Variants in TRPC6 observed in about 807,000 individuals in gnomAD.
The protein encoded by TRPC6 is transient receptor potential cation channel subfamily C member 6.
Under a neutral mutation model 90.7 loss-of-function variants are expected in TRPC6, and 55 were observed. The ratio of observed to expected loss-of-function variants is 0.61; its 90% CI spans 0.49 to 0.76. TRPC6 has a LOEUF of 0.76. TRPC6 is among the 30% of genes least tolerant of loss of function. TRPC6 has a pLI of 0.00. For synonymous variants in TRPC6, 393 were observed against 393.0 expected, an observed-to-expected ratio of 1.00 and a Z score of 0.00; for missense variants, 989 against 1,122.7, an observed-to-expected ratio of 0.88 and a Z score of 1.70.
intron 1 of TRPC6, among the ~76,000 whole-genome samples, chr11:101,546,434 A>G (rs1272968926): frequency 6.6e-6 from 1 of 152,176 alleles, no homozygotes; most frequent in Non-Finnish European, 1.5e-5. Context: ...AGATTTCAAG[A>G]TAACATGGAG....
Position 101,491,720 on chromosome 11 carries a change from A to C in TRPC6, c.964T>G (p.Ser322Ala). Reference sequence around the variant, plus strand: ...ACAACAAAGTCTTTGCACTGCATTGACAGTTTTTTGTAGTCATTCTAGGAA... The same window carrying C: ...ACAACAAAGTCTTTGCACTGCATTGCCAGTTTTTTGTAGTCATTCTAGGAA... ...KEFKNDYKKL[S>A]MQCKDFVVGL... The change falls in exon 3 of 13, where the codon TCA becomes GCA. Residue 322 changes from serine (S) to alanine (A), a missense_variant. Ser to Ala is a moderately conservative substitution (Grantham distance 99, BLOSUM62 1). Transcript: ENST00000344327. 1 of 1,613,800 alleles carries C rather than the reference A, an allele frequency of 6.2e-7. No homozygotes were observed. The highest frequency in any genetic ancestry group is 8.5e-7 in the Non-Finnish European group (1 of 1,179,912).
chr11:101,505,702 G>C (rs1306162780), intron 1 of TRPC6, among the ~76,000 whole-genome samples: 1 of 152,128 alleles, frequency 6.6e-6, no homozygotes, highest in Non-Finnish European at 1.5e-5. Context: ...CTTCAACGTA[G>C]TCCTTCAATC....
intron 1 of TRPC6, among the ~76,000 whole-genome samples, chr11:101,542,161 T>C (rs1056749030): frequency 6.6e-6 from 1 of 152,206 alleles, no homozygotes; most frequent in Non-Finnish European, 1.5e-5. Flanking sequence ...TCTATAGTGT[T>C]TTGACTATTG....
At chr11:101,480,332 C>T (rs7115010) in intron 5 of TRPC6, among the ~76,000 whole-genome samples, 6 of 151,952 alleles carry the variant, frequency 3.9e-5, no homozygotes, top group African/African-American at 7.3e-5. Context: ...CAGTTCCAGG[C>T]GTGATATTCC....
chr11:101,479,435 T>C (rs1486957323), intron 5 of TRPC6, among the ~76,000 whole-genome samples: 1 of 152,206 alleles, frequency 6.6e-6, no homozygotes. Context: ...TGTTCTGCCT[T>C]GTCAACATCT....
intron 4 of TRPC6, among the ~76,000 whole-genome samples, chr11:101,488,163 G>C (rs949008222): frequency 2.0e-5 from 3 of 152,142 alleles, no homozygotes; most frequent in African/African-American, 7.2e-5. Context: ...AACAGATCCA[G>C]AAATGTGGCT....
At chr11:101,469,327 G>GTTCTC in intron 10 of TRPC6, 100 bp downstream of exon 10, 1 of 693,218 alleles carries the variant, frequency 1.4e-6, no homozygotes, top group Non-Finnish European at 2.7e-6. Flanking sequence ...TAATGGGTCT[G>GTTCTC]TTCTCTACTT....
chr11:101,503,903 A>G, intron 2 of TRPC6, 121 bp downstream of exon 2: 1 of 1,251,536 alleles, frequency 8.0e-7, no homozygotes, highest in Non-Finnish European at 1.2e-6. Flanking sequence ...TTGTTGAATA[A>G]ACTTATAAAA....
intron 1 of TRPC6, among the ~76,000 whole-genome samples, chr11:101,526,253 G>C (rs1169530832): frequency 6.6e-6 from 1 of 152,126 alleles, no homozygotes; most frequent in East Asian, 1.9e-4. Flanking sequence ...TCCTCCAGTA[G>C]AGAGAAGACC....
intron 1 of TRPC6, among the ~76,000 whole-genome samples, chr11:101,523,311 T>A (rs1431195679): frequency 2.6e-5 from 4 of 152,168 alleles, no homozygotes; most frequent in Non-Finnish European, 5.9e-5. Flanking sequence ...GCATTAGGAT[T>A]TAACAGAGTT....
At chr11:101,568,534 G>A (rs540640154) in intron 1 of TRPC6, among the ~76,000 whole-genome samples, 7 of 152,262 alleles carry the variant, frequency 4.6e-5, no homozygotes, top group African/African-American at 1.7e-4. Flanking sequence ...TATTCCTCAA[G>A]AATAGCAACA....
At chr11:101,505,912 C>T (rs1481337353) in intron 1 of TRPC6, among the ~76,000 whole-genome samples, 2 of 150,650 alleles carry the variant, frequency 1.3e-5, no homozygotes, top group East Asian at 2.0e-4. Flanking sequence ...ACTCAGGAGG[C>T]TGAGGTAGAG....
chr11:101,578,474 T>C (rs969599226), intron 1 of TRPC6, among the ~76,000 whole-genome samples: 3 of 152,226 alleles, frequency 2.0e-5, no homozygotes, highest in South Asian at 4.1e-4. Context: ...TTGTGGTCTC[T>C]AACATTACAT....
chr11:101,453,388 C>T (rs997635380), intron 12 of TRPC6, among the ~76,000 whole-genome samples: 5 of 152,146 alleles, frequency 3.3e-5, no homozygotes, highest in Non-Finnish European at 7.4e-5. Context: ...CCTTCCTTGC[C>T]TTTCCCACCC....
intron 1 of TRPC6, among the ~76,000 whole-genome samples, chr11:101,525,967 C>T (rs1011460987): frequency 2.0e-5 from 3 of 152,130 alleles, no homozygotes; most frequent in African/African-American, 7.2e-5. Context: ...GGGGCAGCTC[C>T]TTTTCTTTGG....
intron 10 of TRPC6, among the ~76,000 whole-genome samples, chr11:101,458,154 T>G (rs1415766389): frequency 6.6e-6 from 1 of 152,200 alleles, no homozygotes; most frequent in Non-Finnish European, 1.5e-5. Context: ...ATTCAAACTT[T>G]GAAGTACAGT....
chr11:101,494,085 G>A (rs1249779357), intron 2 of TRPC6, among the ~76,000 whole-genome samples: 1 of 152,194 alleles, frequency 6.6e-6, no homozygotes, highest in Non-Finnish European at 1.5e-5. Context: ...AGCATCTAGA[G>A]TGTTACAAGG....
At chr11:101,470,808 C>CG (rs1591066071) in intron 9 of TRPC6, among the ~76,000 whole-genome samples, 1 of 22,572 alleles carries the variant, frequency 4.4e-5, no homozygotes, top group Non-Finnish European at 6.7e-5. Flanking sequence ...AGTTGCCCCG[C>CG]CCCCCCCCCC....
At chr11:101,504,002 G>T (rs1860193594) in intron 2 of TRPC6, 22 bp downstream of exon 2, 1 of 1,613,792 alleles carries the variant, frequency 6.2e-7, no homozygotes, top group African/African-American at 1.3e-5. Flanking sequence ...GGAGGGTGAA[G>T]TCTCTATTGT....
Sources: allele counts gnomAD v4.1 joint callset (sites outside exome capture counted in the v4.1 genomes callset), GRCh38; gene constraint gnomAD v4.1.1; transcripts MANE v1.5; gene names NCBI Gene and HGNC (gene_info 2026-07-23, HGNC 2026-07-21).